The following CAMK4 variants were observed in gnomAD, a reference collection of about 807,000 sequenced individuals.
CAMK4 encodes the protein calcium/calmodulin dependent protein kinase IV, also known as calcium/calmodulin-dependent protein kinase type IV.
CAMK4 carries 22 observed loss-of-function variants against 44.9 expected under a neutral mutation model. The ratio of observed to expected loss-of-function variants is 0.49; its 90% CI spans 0.35 to 0.70. The LOEUF is 0.70. Among genes scored for constraint, CAMK4 ranks in the 30% least tolerant of loss-of-function variants. The pLI is 0.01. For synonymous variants in CAMK4, 218 were observed against 215.4 expected, an observed-to-expected ratio of 1.01 and a Z score of -0.11; for missense variants, 498 against 586.8, an observed-to-expected ratio of 0.85 and a Z score of 1.56.
In CAMK4 at chr5:111,482,734, C is replaced by A. The variant is rs1755475926; in HGVS notation, c.829-51C>A. 2.1e-6 allele frequency: 3 copies of A among 1,454,500 alleles called. No individual in the cohort carries two copies. In the African/African-American group the frequency reaches 4.3e-5, roughly 21 times the overall value. The allele number at this position is 1,454,500 out of a possible 1,614,324, so 90.1% of individuals were successfully genotyped here. A position where few individuals can be genotyped will look rare whatever the true frequency, so the allele number is the denominator to read the frequency against. On this transcript the variant is annotated intron_variant, in intron 9 of 10. Coordinates refer to ENST00000282356, the MANE Select transcript of CAMK4 (RefSeq NM_001744.6). The surrounding 1 kb of genome is among the most constrained non-coding windows in gnomAD (Gnocchi z 4.9). ...TGGAAGTTTGTAAGCTGAGGGCAAG[C>A]CCAGGTCATCCTAAAAACCTCGCTA...
At chr5:111,393,395 T>C (rs1389373210) in intron 4 of CAMK4, among the ~76,000 whole-genome samples, 1 of 152,194 alleles carries the variant, frequency 6.6e-6, no homozygotes, top group East Asian at 1.9e-4. Context: ...GAATGAAATG[T>C]AATCCTCTAG....
In CAMK4 at chr5:111,224,408, C is replaced by T; in HGVS notation, c.-76C>T. The stretch of plus-strand genomic sequence containing the variant: ...TCTCTCTCGCTCCTGCGTTCGCAGG[C>T]GGCGGCTGGCGGCCGGCTTCTCGCT... On this transcript the variant is annotated 5_prime_UTR_variant, in exon 1 of 11. Coordinates refer to ENST00000282356, the MANE Select transcript of CAMK4 (RefSeq NM_001744.6). This position sits in a 1 kb window ranked among gnomAD's most constrained non-coding sequence, Gnocchi z 5.7. 1 of 1,480,286 alleles carries T rather than the reference C, an allele frequency of 6.8e-7. No individual in the cohort carries two copies. Among genetic ancestry groups the T allele is most frequent in the South Asian group, 1.3e-5 (1 of 74,700 alleles). 91.7% of individuals were successfully genotyped at this position (1,480,286 alleles called of 1,614,324 possible).
intron 1 of CAMK4, among the ~76,000 whole-genome samples, chr5:111,260,797 C>T (rs1471080854): frequency 6.6e-6 from 1 of 152,178 alleles, no homozygotes; most frequent in East Asian, 1.9e-4. Flanking sequence ...CTGCTATCTT[C>T]ATTGAAACCG....
At position 111,476,264 on chromosome 5, in the gene CAMK4, TG is replaced by T. The variant is rs1408320992; in HGVS notation, c.702-2116del. On this transcript the variant is annotated intron_variant, in intron 8 of 10. Transcript: ENST00000282356. ...TTGTGTGTGTGTGTGTGTGTGTGTG[TG>T]TGTGTTTGTGTGTGTGTGTGTGTGT... 1.2e-3 allele frequency among the ~76,000 whole-genome samples: 172 copies of T among 141,532 alleles called. 1 individual carries two copies. The highest frequency in any genetic ancestry group is 4.4e-3 in the African/African-American group (156 of 35,152). The allele number at this position is 141,532 out of a possible 152,430, so 92.9% of individuals were successfully genotyped here.
intron 3 of CAMK4, 128 bp downstream of exon 3, chr5:111,375,040 C>G: frequency 3.0e-6 from 2 of 656,768 alleles, no homozygotes; most frequent in Middle Eastern, 2.5e-4. Context: ...TGTGCTAGCT[C>G]TTGTCCTCAT....
At chr5:111,239,287 C>T (rs941882545) in intron 1 of CAMK4, among the ~76,000 whole-genome samples, 55 of 151,972 alleles carry the variant, frequency 3.6e-4, no homozygotes, top group African/African-American at 1.3e-3. Context: ...GTCTGTTTTA[C>T]TTGTGTTTTG....
intron 1 of CAMK4, among the ~76,000 whole-genome samples, chr5:111,315,934 A>G (rs1748403684): frequency 6.6e-6 from 1 of 152,126 alleles, no homozygotes; most frequent in East Asian, 1.9e-4. Context: ...TACAGAGGGC[A>G]CAAAAGAGTT....
At chr5:111,285,100 G>C (rs1180664759) in intron 1 of CAMK4, among the ~76,000 whole-genome samples, 2 of 152,108 alleles carry the variant, frequency 1.3e-5, no homozygotes, top group Non-Finnish European at 2.9e-5. Flanking sequence ...CTTTTGGCTG[G>C]AGCATAAAAA....
chr5:111,364,649 G>A (rs1408781135), intron 2 of CAMK4, among the ~76,000 whole-genome samples: 3 of 152,072 alleles, frequency 2.0e-5, no homozygotes, highest in Non-Finnish European at 4.4e-5. Context: ...CTTCCCAGAG[G>A]CACTCTTGTT....
chr5:111,248,916 T>C (rs1436008680), intron 1 of CAMK4, among the ~76,000 whole-genome samples: 3 of 150,960 alleles, frequency 2.0e-5, no homozygotes, highest in African/African-American at 4.9e-5. Flanking sequence ...CTGAACTGTA[T>C]CCTGGATCTC....
chr5:111,454,029 C>A (rs1256447896), intron 7 of CAMK4, among the ~76,000 whole-genome samples: 1 of 152,072 alleles, frequency 6.6e-6, no homozygotes, highest in Non-Finnish European at 1.5e-5. Flanking sequence ...AATTAACAAG[C>A]CACAGGAGAG....
At chr5:111,450,330 TAAAAAC>T (rs538028035) in intron 7 of CAMK4, among the ~76,000 whole-genome samples, 22 of 152,074 alleles carry the variant, frequency 1.4e-4, no homozygotes, top group Non-Finnish European at 2.8e-4. Context: ...ACTCCATCTC[TAAAAAC>T]AAAAACAAAG....
intron 1 of CAMK4, among the ~76,000 whole-genome samples, chr5:111,318,642 G>A (rs923013553): frequency 9.9e-5 from 15 of 152,112 alleles, no homozygotes; most frequent in Admixed American, 2.0e-4. Flanking sequence ...CTAATTCTAG[G>A]AATGTCTCTT....
chr5:111,444,551 CT>C (rs1237338243), intron 5 of CAMK4, among the ~76,000 whole-genome samples: 3 of 152,116 alleles, frequency 2.0e-5, no homozygotes, highest in Admixed American at 2.0e-4. Context: ...GTACATCCAG[CT>C]ATTATTTGAG....
chr5:111,442,449 A>T (rs1211172949), intron 5 of CAMK4, among the ~76,000 whole-genome samples: 1 of 151,882 alleles, frequency 6.6e-6, no homozygotes, highest in Non-Finnish European at 1.5e-5. Flanking sequence ...GTAAGCCAAG[A>T]TCGCACCACT....
chr5:111,494,018 ATG>A lies in CAMK4; in HGVS notation c.*9556_*9557del, dbSNP rs1437302099. On this transcript the variant is annotated 3_prime_UTR_variant, in exon 11 of 11. Coordinates refer to ENST00000282356, the MANE Select transcript of CAMK4 (RefSeq NM_001744.6). ...TTCAGGCTTATGTGACATTATCTGG[ATG>A]TGTTTTCTAGTCTTTCCTAAAGGAG... 1 of 152,130 alleles carries A rather than the reference ATG, an allele frequency of 6.6e-6. No homozygotes were observed. The highest frequency in any genetic ancestry group is 2.4e-5 in the African/African-American group (1 of 41,418). 9.4% of individuals were successfully genotyped at this position (152,130 alleles called of 1,614,324 possible). A position where few individuals can be genotyped will look rare whatever the true frequency, so the allele number is the denominator to read the frequency against.
At chr5:111,418,736 T>A in intron 5 of CAMK4, among the ~76,000 whole-genome samples, 1 of 152,258 alleles carries the variant, frequency 6.6e-6, no homozygotes, top group South Asian at 2.1e-4. Flanking sequence ...AATGATGGTT[T>A]CCAGTTTCAT....
rs985993968 is a variant in CAMK4 at position 111,491,427 on chromosome 5, G to GT, written c.*6964dup. Reference sequence around the variant, plus strand: ...CAGGAATACAGATTCCTATATTCCAGTTTGTTTTTTTTTTTTTCTCCTTAG... The same window carrying GT: ...CAGGAATACAGATTCCTATATTCCAGTTTTGTTTTTTTTTTTTTCTCCTTAG... On this transcript the variant is annotated 3_prime_UTR_variant, in exon 11 of 11. Coordinates refer to ENST00000282356, the MANE Select transcript of CAMK4 (RefSeq NM_001744.6). 3 of 145,516 alleles carry GT rather than the reference G, an allele frequency of 2.1e-5. No homozygotes were observed. Among genetic ancestry groups the GT allele is most frequent in the African/African-American group, 7.4e-5 (3 of 40,564 alleles). The allele number at this position is 145,516 out of a possible 1,614,324, so 9.0% of individuals were successfully genotyped here.
intron 2 of CAMK4, chr5:111,357,982 A>T (rs1306357836): frequency 6.6e-6 from 1 of 152,078 alleles, no homozygotes; most frequent in African/African-American, 2.4e-5. Flanking sequence ...GAAGGCCCTG[A>T]TAGAGACAAA....
Sources: gnomAD v4.1 joint callset for allele counts (sites outside exome capture counted in the v4.1 genomes callset) on GRCh38, gnomAD v4.1.1 for gene constraint, Gnocchi (gnomAD v3.1) non-coding constraint, MANE v1.5 for transcripts, NCBI Gene and HGNC (gene_info 2026-07-23, HGNC 2026-07-21) for gene names.